The following ABCB5 variants were observed in gnomAD, a reference collection of about 807,000 sequenced individuals.
ABCB5 encodes the protein ATP binding cassette subfamily B member 5.
ABCB5 carries 155 observed loss-of-function variants against 144.2 expected under a neutral mutation model. The ratio of observed to expected loss-of-function variants is 1.08; its 90% confidence interval spans 0.94 to 1.23. The LOEUF is 1.23. ABCB5 is among the 50% of genes most tolerant of loss of function. The pLI is 0.00. For missense variants in ABCB5, 1,830 were observed against 1,520.8 expected (o/e 1.20, Z -3.38); for synonymous variants, 610 against 528.6 (o/e 1.15, Z -2.11).
At chr7:20,623,856 G>A (rs952138051) in intron 2 of ABCB5, among the ~76,000 whole-genome samples, 3 of 152,084 alleles carry the variant, frequency 2.0e-5, no homozygotes, top group Non-Finnish European at 4.4e-5. Context: ...TAATAATTGT[G>A]TTATATTTGG....
At chr7:20,621,674 A>C (rs1783808515) in intron 1 of ABCB5, among the ~76,000 whole-genome samples, 4 of 152,148 alleles carry the variant, frequency 2.6e-5, no homozygotes, top group Admixed American at 2.6e-4. Context: ...AATATAATGC[A>C]GAATGTGTCA....
chr7:20,626,536 T>C (rs758498909), intron 2 of ABCB5, 21 bp from the exon 3 acceptor site: 2 of 1,596,296 alleles, frequency 1.3e-6, no homozygotes, highest in Non-Finnish European at 1.7e-6. Context: ...AACTGCTGCA[T>C]TTTGAACTTT....
chr7:20,729,326 C>G (rs1327305828), intron 23 of ABCB5, among the ~76,000 whole-genome samples: 1 of 152,150 alleles, frequency 6.6e-6, no homozygotes, highest in African/African-American at 2.4e-5. Context: ...ATTTGTGAGA[C>G]ATTATGAAAC....
chr7:20,631,958 G>T (rs1309110511), intron 4 of ABCB5, 101 bp from the exon 5 acceptor site: 4 of 587,536 alleles, frequency 6.8e-6, no homozygotes, highest in Non-Finnish European at 1.1e-5. Flanking sequence ...TAAATCTGTT[G>T]TCTTAAGAGT....
intron 26 of ABCB5, among the ~76,000 whole-genome samples, chr7:20,752,389 G>T (rs1256958825): frequency 1.3e-5 from 2 of 152,198 alleles, no homozygotes. Context: ...TGATTCAGAG[G>T]ACCATGATGG....
At chr7:20,686,895 C>T (rs73263606) in intron 16 of ABCB5, among the ~76,000 whole-genome samples, 1,983 of 152,258 alleles carry the variant, frequency 0.013, 38 homozygotes, top group African/African-American at 0.044. Context: ...TTATCTGCCC[C>T]AAAACCCCTC....
intron 5 of ABCB5, among the ~76,000 whole-genome samples, chr7:20,634,398 C>T (rs936755987): frequency 2.0e-5 from 3 of 151,948 alleles, no homozygotes; most frequent in Non-Finnish European, 2.9e-5. Flanking sequence ...ATTTCTTTTC[C>T]TTTGGGTACA....
intron 22 of ABCB5, among the ~76,000 whole-genome samples, chr7:20,727,563 C>G (rs933624836): frequency 6.6e-6 from 1 of 152,022 alleles, no homozygotes; most frequent in African/African-American, 2.4e-5. Context: ...GATGAAACCC[C>G]ATCTCTACTA....
chr7:20,674,326 G>A (rs372784624), intron 14 of ABCB5, among the ~76,000 whole-genome samples: 1 of 151,932 alleles, frequency 6.6e-6, no homozygotes, highest in Non-Finnish European at 1.5e-5. Context: ...AATTTCAGCT[G>A]TCATATGTTT....
At chr7:20,691,768 A>G (rs1786239964) in intron 16 of ABCB5, among the ~76,000 whole-genome samples, 1 of 152,120 alleles carries the variant, frequency 6.6e-6, no homozygotes, top group Non-Finnish European at 1.5e-5. Flanking sequence ...AGCAAGACTC[A>G]AAAGGATTAA....
chr7:20,704,421 G>A (rs550610150), intron 19 of ABCB5, among the ~76,000 whole-genome samples: 1 of 152,126 alleles, frequency 6.6e-6, no homozygotes, highest in South Asian at 2.1e-4. Context: ...ATGACTTATG[G>A]AATAAAATTA....
intron 5 of ABCB5, among the ~76,000 whole-genome samples, chr7:20,637,846 A>G (rs17143206): frequency 0.17 from 26,499 of 152,180 alleles, 3,289 homozygotes; most frequent in African/African-American, 0.35. Context: ...GTGTTAGATT[A>G]GCATATAGTA....
At chr7:20,708,693 T>C (rs1171914979) in intron 20 of ABCB5, among the ~76,000 whole-genome samples, 2 of 152,164 alleles carry the variant, frequency 1.3e-5, no homozygotes, top group East Asian at 3.8e-4. Context: ...GGTCCAATAA[T>C]GCATGATAAA....
intron 5 of ABCB5, among the ~76,000 whole-genome samples, chr7:20,636,420 AACAT>A (rs1383857351): frequency 2.0e-5 from 3 of 152,148 alleles, no homozygotes; most frequent in African/African-American, 7.2e-5. Flanking sequence ...TTTATAAGGA[AACAT>A]ACTTACCTTT....
At chr7:20,635,989 T>C (rs1490153918) in intron 5 of ABCB5, among the ~76,000 whole-genome samples, 1 of 152,196 alleles carries the variant, frequency 6.6e-6, no homozygotes, top group African/African-American at 2.4e-5. Context: ...CAAGCATTAA[T>C]AATTATATCT....
intron 20 of ABCB5, among the ~76,000 whole-genome samples, chr7:20,722,688 G>C (rs1781909539): frequency 6.6e-6 from 1 of 152,130 alleles, no homozygotes; most frequent in East Asian, 1.9e-4. Flanking sequence ...TGGGCTTGGT[G>C]GCGGTTGCCT....
At chr7:20,625,384 A>ATGTGTGTGTG (rs113535118) in intron 2 of ABCB5, among the ~76,000 whole-genome samples, 1 of 151,408 alleles carries the variant, frequency 6.6e-6, no homozygotes, top group Admixed American at 6.6e-5. Context: ...TTGCGCGTGC[A>ATGTGTGTGTG]TGTGTGTGTG....
Position 20,727,043 on chromosome 7 carries a change from G to C in ABCB5, c.2629G>C (p.Ala877Pro). 1 of 1,607,262 alleles carries C rather than the reference G, an allele frequency of 6.2e-7. No homozygotes were observed. Among genetic ancestry groups the C allele is most frequent in the Non-Finnish European group, 8.5e-7 (1 of 1,176,032 alleles). ...TTGTATTGTCCTGTTTTATAAGATA[G>C]CAACTGAAGCTTTGGAGAATATACG... ...KQELKHAGKI[A>P]TEALENIRTI... Residue 877 changes from alanine to proline, a missense_variant, in exon 22 of 28, where the codon GCA (alanine) becomes CCA (proline). Physicochemically the swap from Ala to Pro is conservative, Grantham distance 27 (BLOSUM62 -1). Coordinates refer to ENST00000404938, the MANE Select transcript of ABCB5 (RefSeq NM_001163941.2).
At chr7:20,667,579 AT>A in intron 14 of ABCB5, 1 of 959,552 alleles carries the variant, frequency 1.0e-6, no homozygotes, top group Non-Finnish European at 1.2e-6. Flanking sequence ...GTTGGAGAGT[AT>A]TGTGAAATCA....
Sources: gnomAD v4.1 joint callset for allele counts (sites outside exome capture counted in the v4.1 genomes callset) on GRCh38, gnomAD v4.1.1 for gene constraint, MANE v1.5 for transcripts, NCBI Gene and HGNC (gene_info 2026-07-23, HGNC 2026-07-21) for gene names.